Variants in FBXO36 observed in about 807,000 individuals in gnomAD.
The protein encoded by FBXO36 is F-box only protein 36.
Under a neutral mutation model 17.0 loss-of-function variants are expected in FBXO36, and 18 were observed. That is an observed-to-expected ratio of 1.06 (90% CI 0.73 to 1.57). FBXO36 has a LOEUF of 1.57. FBXO36 is among the 40% of genes most tolerant of loss of function. The pLI is 0.00. For synonymous variants in FBXO36, 83 were observed against 85.3 expected, an observed-to-expected ratio of 0.97 and a Z score of 0.15; for missense variants, 229 against 221.9, an observed-to-expected ratio of 1.03 and a Z score of -0.20.
chr2:229,961,050 G>A (rs1041691799), intron 1 of FBXO36, among the ~76,000 whole-genome samples: 11 of 151,974 alleles, frequency 7.2e-5, no homozygotes, highest in Admixed American at 3.3e-4. Flanking sequence ...AGAGGTTGCA[G>A]TGAGCCGAGA....
intron 2 of FBXO36, among the ~76,000 whole-genome samples, chr2:229,989,974 C>T (rs1484483250): frequency 6.6e-6 from 1 of 151,820 alleles, no homozygotes; most frequent in Non-Finnish European, 1.5e-5. Context: ...TTATTTCTGA[C>T]ATTAGAGGTT....
chr2:229,967,573 A>G (rs1282714804), intron 1 of FBXO36, among the ~76,000 whole-genome samples: 2 of 152,176 alleles, frequency 1.3e-5, no homozygotes, highest in East Asian at 3.9e-4. Flanking sequence ...ATTTATTGAG[A>G]GTTTTTAGCA....
chr2:229,960,473 C>T (rs918827776), intron 1 of FBXO36, among the ~76,000 whole-genome samples: 30 of 151,548 alleles, frequency 2.0e-4, no homozygotes, highest in Admixed American at 1.4e-3. Flanking sequence ...GGCACCATGC[C>T]GGTCTTTTTT....
At chr2:230,010,593 C>G (rs2077410317) in intron 3 of FBXO36, 103 bp from the exon 4 acceptor site, 4 of 1,060,756 alleles carry the variant, frequency 3.8e-6, no homozygotes, top group Non-Finnish European at 5.4e-6. Context: ...GGACCTGTGT[C>G]TGGCACAGGT....
chr2:229,945,394 C>T (rs1272435778), intron 1 of FBXO36, among the ~76,000 whole-genome samples: 1 of 152,128 alleles, frequency 6.6e-6, no homozygotes, highest in Non-Finnish European at 1.5e-5. Context: ...GCAACCTCCA[C>T]CTCCCAGGTT....
intron 1 of FBXO36, among the ~76,000 whole-genome samples, chr2:229,958,882 A>T (rs1286187092): frequency 6.6e-6 from 1 of 152,184 alleles, no homozygotes; most frequent in East Asian, 1.9e-4. Context: ...GTATCATTTC[A>T]TTTCCATCCT....
At position 230,001,932 on chromosome 2, in the gene FBXO36, G is replaced by A. The variant is rs565237427; in HGVS notation, c.378+5009G>A. 3.2e-4 allele frequency among the ~76,000 whole-genome samples: 48 copies of A among 152,136 alleles called. 1 individual carries two copies. Among genetic ancestry groups the A allele is most frequent in the African/African-American group, 8.2e-4 (34 of 41,512 alleles). On this transcript the variant is annotated intron_variant, in intron 3 of 3. Coordinates refer to ENST00000283946, the MANE Select transcript of FBXO36 (RefSeq NM_174899.5). ...TCCCAGGTTCAAGCGATTCTCATGCGTCAGCCTCCTGAGTAGCTGGAATTA... is the reference window on the plus strand; with the variant it reads ...TCCCAGGTTCAAGCGATTCTCATGCATCAGCCTCCTGAGTAGCTGGAATTA...
intron 3 of FBXO36, among the ~76,000 whole-genome samples, chr2:229,998,109 A>T (rs753377498): frequency 6.6e-6 from 1 of 152,212 alleles, no homozygotes; most frequent in Non-Finnish European, 1.5e-5. Context: ...AGATGATTCA[A>T]ATCATAATCT....
At chr2:229,992,223 G>A (rs549155129) in intron 2 of FBXO36, among the ~76,000 whole-genome samples, 1 of 151,654 alleles carries the variant, frequency 6.6e-6, no homozygotes, top group South Asian at 2.1e-4. Flanking sequence ...CAATGGTGCA[G>A]TCTTGGCTAC....
At chr2:229,936,213 AACTC>A (rs1427912375) in intron 1 of FBXO36, among the ~76,000 whole-genome samples, 1 of 151,916 alleles carries the variant, frequency 6.6e-6, no homozygotes, top group Non-Finnish European at 1.5e-5. Flanking sequence ...ACAAAAAACT[AACTC>A]ATCCCCTCTC....
chr2:229,994,059 A>T (rs1165087621), intron 2 of FBXO36, among the ~76,000 whole-genome samples: 1 of 152,150 alleles, frequency 6.6e-6, no homozygotes, highest in Non-Finnish European at 1.5e-5. Context: ...GGCGTGAGCC[A>T]CTGCGCCTGG....
chr2:230,010,424 G>A (rs1446800343), intron 3 of FBXO36, among the ~76,000 whole-genome samples: 4 of 152,300 alleles, frequency 2.6e-5, no homozygotes, highest in Admixed American at 6.5e-5. Flanking sequence ...TCCCTTGCAC[G>A]AGGGAGTGTT....
At chr2:229,962,001 C>T (rs767961796) in intron 1 of FBXO36, among the ~76,000 whole-genome samples, 3 of 151,796 alleles carry the variant, frequency 2.0e-5, no homozygotes, top group East Asian at 3.9e-4. Context: ...GCCAACATGG[C>T]GAAACCTCAT....
At chr2:229,937,104 A>G (rs1309448029) in intron 1 of FBXO36, among the ~76,000 whole-genome samples, 1 of 152,150 alleles carries the variant, frequency 6.6e-6, no homozygotes, top group Non-Finnish European at 1.5e-5. Flanking sequence ...CAGAAAGAAA[A>G]CAATGCTAAT....
At chr2:229,966,741 T>C (rs1464440556) in intron 1 of FBXO36, among the ~76,000 whole-genome samples, 1 of 152,198 alleles carries the variant, frequency 6.6e-6, no homozygotes, top group Non-Finnish European at 1.5e-5. Flanking sequence ...TTGGTCTATA[T>C]CTCTGTTTTG....
intron 1 of FBXO36, among the ~76,000 whole-genome samples, chr2:229,971,836 AT>A (rs1274806088): frequency 1.3e-5 from 2 of 150,752 alleles, no homozygotes; most frequent in East Asian, 3.9e-4. Flanking sequence ...ACCCCAACTA[AT>A]TTTTTTTGTT....
chr2:230,011,042 C>A lies in FBXO36; in HGVS notation c.*158C>A. ...GATTTGCACACAAATGCAGCAGAGT[C>A]TGGCTCCCCAGTGCCTTGCTAGAGT... On this transcript the variant is annotated 3_prime_UTR_variant, in exon 4 of 4. Coordinates refer to ENST00000283946, the MANE Select transcript of FBXO36 (RefSeq NM_174899.5). 1.3e-6 allele frequency: 1 copy of A among 783,414 alleles called. No homozygotes were observed. The highest frequency in any genetic ancestry group is 2.0e-6 in the Non-Finnish European group (1 of 509,252). 48.5% of individuals were successfully genotyped at this position (783,414 alleles called of 1,614,324 possible).
chr2:229,951,287 A>C (rs1266972904), intron 1 of FBXO36, among the ~76,000 whole-genome samples: 1 of 145,458 alleles, frequency 6.9e-6, no homozygotes, highest in African/African-American at 2.6e-5. Context: ...TTTGTTGCCC[A>C]GGCTGGATTT....
rs148116939 is a variant in FBXO36 at position 229,995,276 on chromosome 2, A to G, written c.206-1475A>G. Among the ~76,000 whole-genome samples, 516 of 152,256 alleles carry G rather than the reference A, an allele frequency of 3.4e-3. 2 individuals are homozygous for G. The highest frequency in any genetic ancestry group is 0.01 in the Middle Eastern group (3 of 294). Reference sequence around the variant, plus strand: ...ATTTAAACATCTATCCTTCCAAACAAGTTTTCATTTCTTGTTTATTCAGAG... The same window carrying G: ...ATTTAAACATCTATCCTTCCAAACAGGTTTTCATTTCTTGTTTATTCAGAG... On this transcript the variant is annotated intron_variant, in intron 2 of 3. Coordinates refer to ENST00000283946, the MANE Select transcript of FBXO36 (RefSeq NM_174899.5).
Sources: gnomAD v4.1 joint callset for allele counts (sites outside exome capture counted in the v4.1 genomes callset) on GRCh38, gnomAD v4.1.1 for gene constraint, MANE v1.5 for transcripts, NCBI Gene and HGNC (gene_info 2026-07-23, HGNC 2026-07-21) for gene names.